Variants in HUS1 observed in about 807,000 individuals in gnomAD.
HUS1 encodes the protein checkpoint protein HUS1.
Under a neutral mutation model 32.6 loss-of-function variants are expected in HUS1, and 31 were observed. The ratio of observed to expected loss-of-function variants is 0.95; its 90% CI spans 0.72 to 1.28. The LOEUF is 1.28. HUS1 is among the 50% of genes most tolerant of loss of function. The pLI is 0.00. For missense variants in HUS1, 340 were observed against 337.7 expected, an observed-to-expected ratio of 1.01 and a Z score of -0.05; for synonymous variants, 123 against 116.6, an observed-to-expected ratio of 1.06 and a Z score of -0.36.
At chr7:47,969,829 T>C (rs540258525) in intron 5 of HUS1, among the ~76,000 whole-genome samples, 14 of 152,292 alleles carry the variant, frequency 9.2e-5, no homozygotes, top group Admixed American at 5.2e-4. Flanking sequence ...GTGGTGAGGA[T>C]GCATGTTTTA....
In HUS1 at chr7:47,976,719, G is replaced by T. The variant is rs764017654; in HGVS notation, c.465+11C>A. 1.4e-6 allele frequency: 2 copies of T among 1,453,966 alleles called. No homozygotes were observed. Among genetic ancestry groups the T allele is most frequent in the Admixed American group, 3.3e-5 (2 of 59,792 alleles). 90.1% of individuals were successfully genotyped at this position (1,453,966 alleles called of 1,614,324 possible). On this transcript the variant is annotated intron_variant, in intron 4 of 7. Coordinates refer to ENST00000258774, the MANE Select transcript of HUS1 (RefSeq NM_004507.4). ...TGTGGGGTGTACAGCAGGACTGCAG[G>T]CATCACCTACATCAGGATCTGGGAC...
chr7:47,979,452 C>G lies in HUS1; in HGVS notation c.52+16G>C. On this transcript the variant is annotated intron_variant, in intron 1 of 7. Coordinates refer to ENST00000258774, the MANE Select transcript of HUS1 (RefSeq NM_004507.4). ...CTTCCGTTCCTCCCTCGCTCCTCTC[C>G]GGCCTCCCTGCTCACGTGTGAAGTG... 1 of 1,613,438 alleles carries G rather than the reference C, an allele frequency of 6.2e-7. No homozygotes were observed. Among genetic ancestry groups the G allele is most frequent in the East Asian group, 2.2e-5 (1 of 44,858 alleles).
At chr7:47,967,690 A>AG in intron 7 of HUS1, 116 bp downstream of exon 7, 1 of 875,520 alleles carries the variant, frequency 1.1e-6, no homozygotes, top group Non-Finnish European at 1.7e-6. Context: ...CACATAATTG[A>AG]GCTTTTTTTT....
chr7:47,967,691 G>A (rs1206791857), intron 7 of HUS1, 115 bp downstream of exon 7: 2 of 855,738 alleles, frequency 2.3e-6, no homozygotes, highest in African/African-American at 3.5e-5. Flanking sequence ...ACATAATTGA[G>A]CTTTTTTTTT....
At chr7:47,978,340 TA>T in intron 3 of HUS1, 76 bp downstream of exon 3, 1 of 1,278,748 alleles carries the variant, frequency 7.8e-7, no homozygotes, top group Non-Finnish European at 1.1e-6. Flanking sequence ...TATTTATTGT[TA>T]AAAAGGCTAG....
chr7:47,968,067 G>A, intron 6 of HUS1, 142 bp from the exon 7 acceptor site: 2 of 781,504 alleles, frequency 2.6e-6, no homozygotes, highest in South Asian at 2.2e-5. Flanking sequence ...ACTTGTAAAT[G>A]TTGTCATTCA....
At position 47,963,694 on chromosome 7, in the gene HUS1, G is replaced by A. The variant is rs1788416923; in HGVS notation, c.*1662C>T. The A allele has an allele frequency of 6.6e-6, 1 of 151,774 alleles. No individual in the cohort carries two copies. Among genetic ancestry groups the A allele is most frequent in the Non-Finnish European group, 1.5e-5 (1 of 67,954 alleles). 9.4% of individuals were successfully genotyped at this position (151,774 alleles called of 1,614,324 possible). A position where few individuals can be genotyped will look rare whatever the true frequency, so the allele number is the denominator to read the frequency against. On this transcript the variant is annotated 3_prime_UTR_variant, in exon 8 of 8. Transcript: ENST00000258774. ...GAGAGGCCAAGGTGGGTGATCACGA[G>A]GTCGAGATCGAGACCATCCTGGCCA...
At position 47,965,313 on chromosome 7, in the gene HUS1, C is replaced by G. The variant is rs1239701067; in HGVS notation, c.*43G>C. On this transcript the variant is annotated 3_prime_UTR_variant, in exon 8 of 8. Transcript: ENST00000258774. Reference sequence around the variant, plus strand: ...AGAACACAACACCTGCGGCCTCTCCCATCCTGACAAAGTCTCTGCATGCCA... The same window carrying G: ...AGAACACAACACCTGCGGCCTCTCCGATCCTGACAAAGTCTCTGCATGCCA... 1 of 1,362,670 alleles carries G rather than the reference C, an allele frequency of 7.3e-7. No individual in the cohort carries two copies. Among genetic ancestry groups the G allele is most frequent in the South Asian group, 1.2e-5 (1 of 86,292 alleles). 84.4% of individuals were successfully genotyped at this position (1,362,670 alleles called of 1,614,324 possible).
At chr7:47,974,935 T>C (rs1296499093) in intron 5 of HUS1, among the ~76,000 whole-genome samples, 1 of 152,166 alleles carries the variant, frequency 6.6e-6, no homozygotes, top group Non-Finnish European at 1.5e-5. Flanking sequence ...TGAAAGACAC[T>C]TGGCACGCAG....
rs757876744 is a variant in HUS1 at position 47,979,527 on chromosome 7, G to A, written c.-8C>T. 51 of 1,606,036 alleles carry A rather than the reference G, an allele frequency of 3.2e-5. No homozygotes were observed. The highest frequency in any genetic ancestry group is 1.7e-6 in the Non-Finnish European group (2 of 1,177,450). Reference sequence around the variant, plus strand: ...CTTGGCCCGAAACTTCATGGCCGCGGATGGCGCAGCCGCGGCGGGCCTCTG... The same window carrying A: ...CTTGGCCCGAAACTTCATGGCCGCGAATGGCGCAGCCGCGGCGGGCCTCTG... On this transcript the variant is annotated 5_prime_UTR_variant, in exon 1 of 8. Transcript: ENST00000258774.
In HUS1 at chr7:47,967,801, C is replaced by T; in HGVS notation, c.760+5G>A. On this transcript the variant is annotated splice_donor_5th_base_variant and intron_variant, in intron 7 of 7. Transcript: ENST00000258774. ...ATGAAAAACAAAACAGAGAAGCACA[C>T]TCACTGCATAAGGCCTTTGTGGGAT... is the stretch of plus-strand genomic sequence containing the variant. 1.2e-6 allele frequency: 2 copies of T among 1,610,420 alleles called. No homozygotes were observed. The highest frequency in any genetic ancestry group is 1.7e-6 in the Non-Finnish European group (2 of 1,178,448).
At chr7:47,968,081 A>C (rs1366134258) in intron 6 of HUS1, among the ~76,000 whole-genome samples, 156 bp from the exon 7 acceptor site, 1 of 152,220 alleles carries the variant, frequency 6.6e-6, no homozygotes, top group Non-Finnish European at 1.5e-5. Context: ...TCATTCATTA[A>C]GCATTAGGTC....
chr7:47,974,647 C>T (rs1788661730), intron 5 of HUS1, among the ~76,000 whole-genome samples: 1 of 151,776 alleles, frequency 6.6e-6, no homozygotes, highest in South Asian at 2.1e-4. Flanking sequence ...GGGACATAAC[C>T]AAGGGTGTTT....
rs529310090 is a variant in HUS1 at position 47,976,769 on chromosome 7, C to T, written c.426G>A (p.Leu142=). 1.9e-6 allele frequency: 3 copies of T among 1,613,756 alleles called. No homozygotes were observed. The highest frequency in any genetic ancestry group is 2.2e-5 in the East Asian group (1 of 44,864). Residue 142 remains leucine, a synonymous_variant, in exon 4 of 8, where the codon TTG becomes TTA. Transcript: ENST00000258774. ...DIPIKVIPRK[L]WKDLQEPVVP... ...CCACCGGTTCTTGTAAGTCCTTCCA[C>T]AATTTCCTAGGAATCACCTTTATGG...
intron 7 of HUS1, 122 bp from the exon 8 acceptor site, chr7:47,965,560 C>T: frequency 1.5e-6 from 1 of 659,892 alleles, no homozygotes; most frequent in Non-Finnish European, 2.7e-6. Context: ...TTCCCTGAGG[C>T]AGCTGCAGAG....
chr7:47,970,732 G>C (rs138949294), intron 5 of HUS1, among the ~76,000 whole-genome samples: 58 of 152,244 alleles, frequency 3.8e-4, no homozygotes, highest in African/African-American at 1.3e-3. Flanking sequence ...AGAAAAATGG[G>C]AAAAATCCCC....
At chr7:47,976,881 T>C (rs756748194) in intron 3 of HUS1, 44 bp from the exon 4 acceptor site, 1 of 1,337,140 alleles carries the variant, frequency 7.5e-7, no homozygotes, top group South Asian at 1.2e-5. Context: ...TTGTTAATAT[T>C]AAGCAACAAC....
chr7:47,974,693 G>A lies in HUS1; in HGVS notation c.540+920C>T, dbSNP rs556190932. Among the ~76,000 whole-genome samples the A allele has an allele frequency of 9.2e-5, 14 of 152,108 alleles. No homozygotes were observed. The South Asian group carries it at 2.3e-3, about 25-fold the overall frequency. On this transcript the variant is annotated intron_variant, in intron 5 of 7. Coordinates refer to ENST00000258774, the MANE Select transcript of HUS1 (RefSeq NM_004507.4). ...GATAGGAGGGAGCAGGGGGAGGAGG[G>A]AGGGGCAGTGAGTGAAGGAAGAATT...
intron 7 of HUS1, 59 bp downstream of exon 7, chr7:47,967,747 T>C (rs1788508868): frequency 4.7e-6 from 7 of 1,487,210 alleles, no homozygotes; most frequent in South Asian, 2.6e-5. Flanking sequence ...AGACTAGAGT[T>C]GACTGCAGTA....
Sources: allele counts gnomAD v4.1 joint callset (sites outside exome capture counted in the v4.1 genomes callset), GRCh38; gene constraint gnomAD v4.1.1; transcripts MANE v1.5; gene names NCBI Gene and HGNC (gene_info 2026-07-23, HGNC 2026-07-21).